The following ATR variants were observed in gnomAD, a reference collection of about 807,000 sequenced individuals.
ATR encodes ATR checkpoint kinase.
Under a neutral mutation model 305.3 loss-of-function variants are expected in ATR, and 142 were observed. The observed-to-expected ratio is 0.47, with a 90% CI of 0.41 to 0.53. The LOEUF is 0.53. Ranked by LOEUF, ATR falls within the 20% of genes least tolerant of loss-of-function variation. The probability of loss-of-function intolerance (pLI) is 0.00; values close to 1 mark genes in which losing one functional copy is unlikely to be tolerated. For synonymous variants in ATR, 1,050 were observed against 1,068.1 expected (o/e 0.98, Z 0.33); for missense variants, 2,135 against 3,133.1 (o/e 0.68, Z 7.60).
chr3:142,572,933 ATT>A (rs1167538267), intron 1 of ATR, among the ~76,000 whole-genome samples: 1 of 152,118 alleles, frequency 6.6e-6, no homozygotes, highest in Non-Finnish European at 1.5e-5. Flanking sequence ...CCTATGGAAT[ATT>A]TACCTATTCC....
At chr3:142,543,352 CTTCCTTCCTCCCTCCGTCCCTCTT>C (rs1169151747) in intron 16 of ATR, among the ~76,000 whole-genome samples, 1 of 151,684 alleles carries the variant, frequency 6.6e-6, no homozygotes, top group Non-Finnish European at 1.5e-5. Flanking sequence ...TCCTTCCTTC[CTTCCTTCCTCCCTCCGTCCCTCTT>C]TTCCTCCCTC....
At chr3:142,548,441 G>A (rs556851239) in intron 15 of ATR, among the ~76,000 whole-genome samples, 3 of 152,296 alleles carry the variant, frequency 2.0e-5, no homozygotes, top group Admixed American at 1.3e-4. Flanking sequence ...GGCCAAGGCA[G>A]GTGGATCACT....
At chr3:142,566,640 A>C (rs1252526411) in intron 2 of ATR, among the ~76,000 whole-genome samples, 4 of 150,982 alleles carry the variant, frequency 2.6e-5, no homozygotes, top group African/African-American at 4.9e-5. Flanking sequence ...AAAAAAAAAA[A>C]AACAAAAAGT....
chr3:142,525,206 T>C (rs901296927), intron 21 of ATR, among the ~76,000 whole-genome samples: 2 of 152,178 alleles, frequency 1.3e-5, no homozygotes, highest in Admixed American at 1.3e-4. Context: ...TAAATGTCCA[T>C]ATGTACTTGG....
At position 142,549,584 on chromosome 3, in the gene ATR, A is replaced by C; in HGVS notation, c.3066T>G (p.Asn1022Lys). The change falls in exon 15 of 47, where the codon AAT becomes AAG. Residue 1022 changes from asparagine (N) to lysine (K), a missense_variant. Coordinates refer to ENST00000350721, the MANE Select transcript of ATR (RefSeq NM_001184.4). ...ALIRTLGKQL[N>K]VNRREILINN... is the part of the protein sequence containing the mutation. ...TTATTAAAATCTCTCTACGATTGAC[A>C]TTTAATTGTTTTCCTAAAGTTCGAA... The C allele has an allele frequency of 6.2e-7, 1 of 1,613,160 alleles. No homozygotes were observed. The highest frequency in any genetic ancestry group is 8.5e-7 in the Non-Finnish European group (1 of 1,179,390).
rs1211398199 is a variant in ATR at position 142,556,965 on chromosome 3, G to A, written c.1886-390C>T. On this transcript the variant is annotated intron_variant, in intron 8 of 46. Transcript: ENST00000350721. ...TCTGCTAACAGGAGTGTAAACTGGT[G>A]TATCTTTGGAGAACAATACAGCAGA... Among the ~76,000 whole-genome samples the A allele has an allele frequency of 1.3e-5, 2 of 152,200 alleles. 1 individual carries two copies. The highest frequency in any genetic ancestry group is 4.1e-4 in the South Asian group (2 of 4,824).
chr3:142,485,118 A>G (rs753519501), intron 36 of ATR, 22 bp downstream of exon 36: 3 of 1,613,598 alleles, frequency 1.9e-6, no homozygotes, highest in Non-Finnish European at 2.5e-6. Flanking sequence ...TTAATCTGCA[A>G]ACATGCAGTT....
At position 142,528,187 on chromosome 3, in the gene ATR, A is replaced by G. The variant is rs146791413; in HGVS notation, c.3946-3988T>C. Among the ~76,000 whole-genome samples the G allele has an allele frequency of 1.8e-3, 268 of 152,348 alleles. 2 individuals carry two copies. The East Asian group carries it at 0.025, about 14-fold the overall frequency. On this transcript the variant is annotated intron_variant, in intron 21 of 46. Coordinates refer to ENST00000350721, the MANE Select transcript of ATR (RefSeq NM_001184.4). Reference sequence around the variant, plus strand: ...GAATGTTCTATCTGCTCTTTAAAGTATGCTTCTATTATCAAGGTGTAACGT... The same window carrying G: ...GAATGTTCTATCTGCTCTTTAAAGTGTGCTTCTATTATCAAGGTGTAACGT...
At chr3:142,578,599 G>A (rs766774420) in intron 1 of ATR, 47 bp downstream of exon 1, 2 of 1,587,096 alleles carry the variant, frequency 1.3e-6, no homozygotes, top group East Asian at 2.3e-5. Flanking sequence ...AACCCAAGCC[G>A]GAATCAGCGG....
intron 36 of ATR, among the ~76,000 whole-genome samples, chr3:142,479,880 G>A (rs1020188600): frequency 7.9e-5 from 12 of 152,004 alleles, no homozygotes; most frequent in Non-Finnish European, 1.6e-4. Context: ...TGATCGAATC[G>A]GCTACTGAAG....
intron 18 of ATR, 96 bp downstream of exon 18, chr3:142,540,808 T>C: frequency 1.4e-6 from 2 of 1,404,836 alleles, no homozygotes; most frequent in Non-Finnish European, 1.9e-6. Context: ...TATTTATTAT[T>C]TGAACCCAAT....
At chr3:142,561,479 T>C in intron 4 of ATR, 58 bp from the exon 5 acceptor site, 2 of 1,503,146 alleles carry the variant, frequency 1.3e-6, no homozygotes, top group Non-Finnish European at 1.8e-6. Context: ...TTTATATTAT[T>C]CATAGGCAGC....
In ATR at chr3:142,538,636, A is replaced by ACAGGTATTGT. The variant is rs770072957; in HGVS notation, c.3582-12_3582-11insACAATACCTG. 6.2e-7 allele frequency: 1 copy of ACAGGTATTGT among 1,613,226 alleles called. No homozygotes were observed. Among genetic ancestry groups the ACAGGTATTGT allele is most frequent in the Non-Finnish European group, 8.5e-7 (1 of 1,179,460 alleles). On this transcript the variant is annotated splice_polypyrimidine_tract_variant and intron_variant, in intron 18 of 46. Coordinates refer to ENST00000350721, the MANE Select transcript of ATR (RefSeq NM_001184.4). ...AAGCAGTCCCAAGCTCTATGTGAAA[A>ACAGGTATTGT]AACAAATAGAAATGAAGTCCAATTA...
chr3:142,512,265 G>A lies in ATR; in HGVS notation c.4847C>T (p.Ser1616Leu), dbSNP rs1450774832. 6.5e-7 allele frequency: 1 copy of A among 1,536,380 alleles called. No homozygotes were observed. The highest frequency in any genetic ancestry group is 1.4e-5 in the African/African-American group (1 of 71,778). Residue 1616 changes from serine to leucine, a missense_variant, in exon 27 of 47, where the codon TCA (serine) becomes TTA (leucine). By Grantham distance (145) the Ser-to-Leu change is moderately radical (BLOSUM62 -2). Coordinates refer to ENST00000350721, the MANE Select transcript of ATR (RefSeq NM_001184.4). ...HSKSNRNKVD[S>L]MVSTVDYEDY... ...AAACAGAAGTGATAACTCACCCATT[G>A]AGTCTACCTTATTTCTGTTTGATTT...
At chr3:142,574,260 T>C (rs564126192) in intron 1 of ATR, among the ~76,000 whole-genome samples, 2 of 145,500 alleles carry the variant, frequency 1.4e-5, no homozygotes, top group East Asian at 4.1e-4. Context: ...AGCCCAGGAG[T>C]TTGAGACCAG....
At chr3:142,468,636 A>G (rs1162972771) in intron 38 of ATR, among the ~76,000 whole-genome samples, 1 of 152,178 alleles carries the variant, frequency 6.6e-6, no homozygotes, top group Non-Finnish European at 1.5e-5. Flanking sequence ...TACTTATTAC[A>G]TATATTGACC....
rs1049172779 is a variant in ATR, at chr3:142,451,108, C to A, written c.7762-1506G>T. 5 of 1,268,318 alleles carry A rather than the reference C, an allele frequency of 3.9e-6. No individual in the cohort carries two copies. In the Admixed American group the frequency reaches 1.1e-4, roughly 28 times the overall value. The allele number at this position is 1,268,318 out of a possible 1,614,324, so 78.6% of individuals were successfully genotyped here. On this transcript the variant is annotated intron_variant, in intron 46 of 46. Transcript: ENST00000350721. ...CTACCTGGTCAATTGTGAAACAGCC[C>A]CTGCTGCTCAGGTGTAATTCCCTCC...
At chr3:142,466,580 C>T (rs2071136672) in intron 39 of ATR, 47 bp from the exon 40 acceptor site, 1 of 1,521,078 alleles carries the variant, frequency 6.6e-7, no homozygotes. Context: ...CCTTAAATTC[C>T]ACTATAACAA....
intron 44 of ATR, 114 bp downstream of exon 44, chr3:142,458,844 A>G: frequency 1.6e-6 from 2 of 1,240,240 alleles, no homozygotes; most frequent in Non-Finnish European, 2.3e-6. Flanking sequence ...AATTCTCAGT[A>G]TAACTCAACT....
Sources: gnomAD v4.1 joint callset for allele counts (sites outside exome capture counted in the v4.1 genomes callset) on GRCh38, gnomAD v4.1.1 for gene constraint, MANE v1.5 for transcripts, NCBI Gene and HGNC (gene_info 2026-07-23, HGNC 2026-07-21) for gene names.